MAP3K15: variants seen among roughly 807,000 people sequenced by gnomAD.
MAP3K15 encodes the protein MAPK/ERK kinase kinase 15.
Under a neutral mutation model 99.5 loss-of-function variants are expected in MAP3K15, and 124 were observed. That is an observed-to-expected ratio of 1.25 (90% CI 1.08 to 1.45). MAP3K15 has a LOEUF of 1.45. Among genes scored for constraint, MAP3K15 ranks in the 40% most tolerant of loss-of-function variants. The pLI is 0.00. For synonymous variants in MAP3K15, 494 were observed against 439.6 expected, an observed-to-expected ratio of 1.12 and a Z score of -1.55; for missense variants, 1,242 against 1,079.7, an observed-to-expected ratio of 1.15 and a Z score of -2.11.
chrX:19,456,391 A>G, intron 6 of MAP3K15, among the ~76,000 whole-genome samples: 1 of 112,354 alleles, frequency 8.9e-6, no homozygotes, highest in African/African-American at 3.2e-5. Flanking sequence ...ACACTGTGTG[A>G]TTCCGTTTAT....
intron 4 of MAP3K15, among the ~76,000 whole-genome samples, chrX:19,463,414 G>A (rs1297036774): frequency 1.8e-5 from 2 of 112,245 alleles, no homozygotes; most frequent in African/African-American, 6.5e-5. Context: ...AGCTCTGCCA[G>A]TGTTTGGGAT....
At chrX:19,503,093 G>C (rs1412540430) in intron 1 of MAP3K15, among the ~76,000 whole-genome samples, 3 of 111,546 alleles carry the variant, frequency 2.7e-5, no homozygotes, top group African/African-American at 9.8e-5. Context: ...AAACATTTTG[G>C]AAGTAACTAC....
At chrX:19,377,458 C>T (rs181837410) in intron 19 of MAP3K15, among the ~76,000 whole-genome samples, 19 of 111,006 alleles carry the variant, frequency 1.7e-4, no homozygotes, top group African/African-American at 5.9e-4. Flanking sequence ...GCAGGAGAAT[C>T]GCTTGAACCC....
chrX:19,373,888 G>C (rs977325992), intron 20 of MAP3K15, among the ~76,000 whole-genome samples, 193 bp from the exon 21 acceptor site: 1 of 111,228 alleles, frequency 9.0e-6, no homozygotes, highest in African/African-American at 3.3e-5. Flanking sequence ...GTCCCTCATG[G>C]AGCAAGTTGC....
At chrX:19,415,388 C>T (rs2063726033) in intron 9 of MAP3K15, 131 bp from the exon 10 acceptor site, 3 of 569,904 alleles carry the variant, frequency 5.3e-6, no homozygotes, top group Admixed American at 1.0e-4. Flanking sequence ...GCTTCATAAA[C>T]GACTGCTCAG....
chrX:19,379,494 C>T (rs532859374), intron 19 of MAP3K15, among the ~76,000 whole-genome samples: 6 of 87,458 alleles, frequency 6.9e-5, no homozygotes, highest in South Asian at 1.2e-3. Context: ...GTCACCCAGG[C>T]GGGACTGCAG....
At chrX:19,451,984 G>A (rs1002744771) in intron 6 of MAP3K15, among the ~76,000 whole-genome samples, 4 of 105,538 alleles carry the variant, frequency 3.8e-5, no homozygotes, top group East Asian at 2.9e-4. Flanking sequence ...ACTTGAACCT[G>A]GGAGGTGGAG....
intron 1 of MAP3K15, among the ~76,000 whole-genome samples, chrX:19,490,485 T>A (rs1458013547): frequency 9.0e-6 from 1 of 111,466 alleles, no homozygotes; most frequent in East Asian, 2.8e-4. Context: ...CAGTGGCTCA[T>A]GCCTGTAATC....
At chrX:19,392,862 C>G (rs941047300) in intron 16 of MAP3K15, among the ~76,000 whole-genome samples, 4 of 110,645 alleles carry the variant, frequency 3.6e-5, no homozygotes, top group Non-Finnish European at 7.5e-5. Context: ...GCAGGTCTGT[C>G]TCAGTCATTC....
intron 25 of MAP3K15, among the ~76,000 whole-genome samples, chrX:19,366,547 G>T (rs144095134): frequency 9.0e-6 from 1 of 111,648 alleles, no homozygotes; most frequent in Non-Finnish European, 1.9e-5. Flanking sequence ...TGTTCTCATG[G>T]TACTGAATAA....
chrX:19,411,792 G>C (rs774034527), intron 11 of MAP3K15, among the ~76,000 whole-genome samples: 2 of 111,571 alleles, frequency 1.8e-5, no homozygotes, highest in Non-Finnish European at 3.8e-5. Flanking sequence ...CCAACAAAGA[G>C]GCAAATATGG....
At chrX:19,505,045 T>A (rs1363050739) in intron 1 of MAP3K15, among the ~76,000 whole-genome samples, 1 of 110,302 alleles carries the variant, frequency 9.1e-6, no homozygotes, top group Non-Finnish European at 1.9e-5. Flanking sequence ...TTTGAAAGAT[T>A]TTATGTAAAA....
chrX:19,426,792 TG>T (rs1262556621), intron 7 of MAP3K15, among the ~76,000 whole-genome samples: 1 of 79,513 alleles, frequency 1.3e-5, no homozygotes, highest in Non-Finnish European at 2.2e-5. Context: ...CACTCCAGCC[TG>T]GGTGACAGAG....
intron 9 of MAP3K15, among the ~76,000 whole-genome samples, chrX:19,419,209 G>A (rs1278327373): frequency 3.6e-4 from 40 of 111,772 alleles, no homozygotes; most frequent in Non-Finnish European, 6.4e-4. Context: ...AAATATAAAT[G>A]GGCTAAATGC....
chrX:19,389,378 T>A (rs1448576448), intron 18 of MAP3K15, among the ~76,000 whole-genome samples: 1 of 108,213 alleles, frequency 9.2e-6, no homozygotes, highest in Non-Finnish European at 1.9e-5. Flanking sequence ...GGTTCCTATG[T>A]GTGGGGCAAA....
At chrX:19,505,966 C>G (rs754007726) in intron 1 of MAP3K15, among the ~76,000 whole-genome samples, 1 of 110,320 alleles carries the variant, frequency 9.1e-6, no homozygotes, top group South Asian at 3.9e-4. Context: ...GAGTTTCACT[C>G]TCGTTGCTCA....
In MAP3K15 at chrX:19,461,457, G is replaced by A. The variant is rs116011273; in HGVS notation, c.720-1304C>T. On this transcript the variant is annotated intron_variant, in intron 4 of 28. Coordinates refer to ENST00000338883, the MANE Select transcript of MAP3K15 (RefSeq NM_001001671.4). ...CTCAGGTGAGCAGCTAGATAAGCACGAGGAAGCTTAAAAACACTTAAAGCA... is the reference window on the plus strand; with the variant it reads ...CTCAGGTGAGCAGCTAGATAAGCACAAGGAAGCTTAAAAACACTTAAAGCA... Among the ~76,000 whole-genome samples, 750 of 112,533 alleles carry A rather than the reference G, an allele frequency of 6.7e-3. 4 individuals carry two copies. Among genetic ancestry groups the A allele is most frequent in the African/African-American group, 0.023 (698 of 30,986 alleles).
At chrX:19,404,151 A>G (rs2063630802) in intron 13 of MAP3K15, among the ~76,000 whole-genome samples, 1 of 111,978 alleles carries the variant, frequency 8.9e-6, no homozygotes, top group African/African-American at 3.2e-5. Flanking sequence ...GAGCTAATAC[A>G]TGAGTTCAGC....
intron 6 of MAP3K15, among the ~76,000 whole-genome samples, chrX:19,444,705 C>A (rs1397342502): frequency 9.0e-6 from 1 of 111,609 alleles, no homozygotes; most frequent in Non-Finnish European, 1.9e-5. Flanking sequence ...GAATTCTGTA[C>A]AAAACAGAAC....
Sources: gnomAD v4.1 joint callset for allele counts (sites outside exome capture counted in the v4.1 genomes callset) on GRCh38, gnomAD v4.1.1 for gene constraint, MANE v1.5 for transcripts, NCBI Gene and HGNC (gene_info 2026-07-23, HGNC 2026-07-21) for gene names.